The following TADA2A variants were observed in gnomAD, a reference collection of about 807,000 sequenced individuals.
TADA2A encodes transcriptional adapter 2-alpha.
In TADA2A, 38 loss-of-function variants were observed where a neutral mutation model predicts 67.4. That is an observed-to-expected ratio of 0.56 (90% confidence interval 0.44 to 0.74). The LOEUF (loss-of-function observed/expected upper bound fraction) is 0.74. Ranked by LOEUF, TADA2A falls within the 30% of genes least tolerant of loss-of-function variation. The probability of loss-of-function intolerance (pLI) is 0.00; values close to 1 mark genes in which losing one functional copy is unlikely to be tolerated. For synonymous variants in TADA2A, 192 were observed against 181.6 expected (o/e 1.06, Z -0.46); for missense variants, 454 against 547.0 (o/e 0.83, Z 1.70).
chr17:37,447,744 G>A (rs1271275482), intron 8 of TADA2A, among the ~76,000 whole-genome samples: 1 of 152,220 alleles, frequency 6.6e-6, no homozygotes, highest in Non-Finnish European at 1.5e-5. Context: ...GTGGCAGCAT[G>A]ACCATGTCCA....
chr17:37,440,534 A>G lies in TADA2A; in HGVS notation c.314A>G (p.Lys105Arg). The G allele has an allele frequency of 6.2e-7, 1 of 1,614,204 alleles. No homozygotes were observed. Among genetic ancestry groups the G allele is most frequent in the Non-Finnish European group, 8.5e-7 (1 of 1,180,030 alleles). ...WQDVANQMCTKTKEECEKHYM... is the reference protein window; with the variant it reads ...WQDVANQMCTRTKEECEKHYM... ...GATGTAGCCAATCAAATGTGCACCA[A>G]GACCAAGGAGGAGTGTGAGAAGCAC... Residue 105 changes from lysine (K) to arginine (R), a missense_variant, in exon 6 of 16, where the codon AAG becomes AGG. Transcript: ENST00000615182.
At chr17:37,413,301 G>T (rs1241516950) in intron 2 of TADA2A, among the ~76,000 whole-genome samples, 1 of 152,158 alleles carries the variant, frequency 6.6e-6, no homozygotes, top group Non-Finnish European at 1.5e-5. Flanking sequence ...GGAGAGAATG[G>T]AGTCTTCAGA....
intron 8 of TADA2A, among the ~76,000 whole-genome samples, chr17:37,446,245 T>C (rs2053077798): frequency 6.6e-6 from 1 of 152,140 alleles, no homozygotes; most frequent in South Asian, 2.1e-4. Flanking sequence ...ATTGTATTTG[T>C]TCAGTCTTCC....
intron 8 of TADA2A, 80 bp from the exon 9 acceptor site, chr17:37,458,444 T>A: frequency 9.8e-7 from 1 of 1,020,786 alleles, no homozygotes; most frequent in Non-Finnish European, 1.3e-6. Flanking sequence ...GGTAAAAGAT[T>A]TATTTTTGTC....
At chr17:37,416,614 C>G (rs1168421073) in intron 2 of TADA2A, among the ~76,000 whole-genome samples, 2 of 152,176 alleles carry the variant, frequency 1.3e-5, no homozygotes, top group Admixed American at 1.3e-4. Flanking sequence ...CGCCTGTAAT[C>G]CCAGCACTTT....
At chr17:37,441,680 T>C (rs896093680) in intron 6 of TADA2A, among the ~76,000 whole-genome samples, 1 of 151,690 alleles carries the variant, frequency 6.6e-6, no homozygotes, top group Non-Finnish European at 1.5e-5. Flanking sequence ...TTTTTTTTTT[T>C]TTTGGAGACA....
In TADA2A at chr17:37,406,940, T is replaced by G. The variant is rs2051553003; in HGVS notation, c.-107T>G. On this transcript the variant is annotated 5_prime_UTR_variant, in exon 1 of 16. Coordinates refer to ENST00000615182, the MANE Select transcript of TADA2A (RefSeq NM_001166105.3). ...CGGCTCTTTGGCGCGGATTAGGGGG[T>G]CTCGGCGAGGTGAGGCGCCAGGCAG... The G allele has an allele frequency of 1.3e-5, 1 of 78,366 alleles. No individual in the cohort carries two copies. The highest frequency in any genetic ancestry group is 2.4e-5 in the Non-Finnish European group (1 of 41,972). The allele number at this position is 78,366 out of a possible 1,614,324, so 4.9% of individuals were successfully genotyped here.
intron 3 of TADA2A, among the ~76,000 whole-genome samples, chr17:37,425,176 G>A (rs374195757): frequency 6.6e-6 from 1 of 152,132 alleles, no homozygotes; most frequent in Admixed American, 6.6e-5. Flanking sequence ...TACCACGCCC[G>A]GCCATAACAC....
intron 12 of TADA2A, among the ~76,000 whole-genome samples, chr17:37,468,533 C>CTT (rs1208253095): frequency 6.9e-6 from 1 of 144,778 alleles, no homozygotes. Context: ...TTTTTCTTTC[C>CTT]TTTTTTTTTT....
intron 8 of TADA2A, among the ~76,000 whole-genome samples, chr17:37,448,547 A>G (rs566033318): frequency 9.8e-5 from 15 of 152,332 alleles, no homozygotes; most frequent in Admixed American, 4.6e-4. Context: ...TGAGATCTCA[A>G]TGCACATGCT....
intron 14 of TADA2A, among the ~76,000 whole-genome samples, chr17:37,473,749 A>T (rs910141673): frequency 2.6e-5 from 4 of 152,204 alleles, no homozygotes; most frequent in Admixed American, 6.5e-5. Context: ...AGTTGACCTC[A>T]GCCCCTGCTT....
At chr17:37,430,169 CACTG>C (rs1015327791) in intron 4 of TADA2A, among the ~76,000 whole-genome samples, 6 of 152,214 alleles carry the variant, frequency 3.9e-5, no homozygotes, top group East Asian at 1.9e-4. Flanking sequence ...ATGCTGAAAG[CACTG>C]ACTAAGTTTC....
intron 8 of TADA2A, among the ~76,000 whole-genome samples, chr17:37,456,742 A>G (rs538425631): frequency 1.4e-4 from 22 of 152,282 alleles, no homozygotes; most frequent in Non-Finnish European, 2.5e-4. Flanking sequence ...GAAATTATGC[A>G]TTTTGATGGT....
At chr17:37,432,060 T>A (rs993217599) in intron 4 of TADA2A, among the ~76,000 whole-genome samples, 10 of 152,170 alleles carry the variant, frequency 6.6e-5, no homozygotes, top group East Asian at 3.8e-4. Context: ...TTTTTTTTTT[T>A]ATCAGCGTAG....
chr17:37,463,362 G>C (rs908229310), intron 10 of TADA2A, among the ~76,000 whole-genome samples: 4 of 152,054 alleles, frequency 2.6e-5, no homozygotes, highest in Non-Finnish European at 5.9e-5. Flanking sequence ...AAACATCCCA[G>C]TTGATAGATT....
At chr17:37,458,638 TG>T (rs879483604) in intron 9 of TADA2A, 51 bp downstream of exon 9, 5,676 of 196,844 alleles carry the variant, frequency 0.029, 108 homozygotes, top group East Asian at 0.15. Flanking sequence ...ATTATTGTTT[TG>T]TGTGTGTGTG....
At chr17:37,408,198 T>G (rs1395891391) in intron 1 of TADA2A, among the ~76,000 whole-genome samples, 2 of 151,494 alleles carry the variant, frequency 1.3e-5, no homozygotes, top group East Asian at 3.9e-4. Flanking sequence ...CCTACTGTGC[T>G]TTTTCGAGTG....
rs974508729 is a variant in TADA2A at position 37,411,275 on chromosome 17, A to G, written c.-91A>G. ...CACTTTTGTTTGTTCCTAGGGAGTC[A>G]TCAAGCTTTGGTGTATGTGTTGGCC... On this transcript the variant is annotated 5_prime_UTR_variant, in exon 2 of 16. Coordinates refer to ENST00000615182, the MANE Select transcript of TADA2A (RefSeq NM_001166105.3). 2.3e-5 allele frequency: 29 copies of G among 1,250,940 alleles called. No homozygotes were observed. The highest frequency in any genetic ancestry group is 3.2e-5 in the Non-Finnish European group (27 of 853,772). The allele number at this position is 1,250,940 out of a possible 1,614,324, so 77.5% of individuals were successfully genotyped here.
intron 1 of TADA2A, among the ~76,000 whole-genome samples, chr17:37,410,462 C>T (rs890860884): frequency 6.6e-6 from 1 of 151,982 alleles, no homozygotes; most frequent in Non-Finnish European, 1.5e-5. Flanking sequence ...AGGCATGAGC[C>T]ACTGTGCCTG....
Sources: allele counts gnomAD v4.1 joint callset (sites outside exome capture counted in the v4.1 genomes callset), GRCh38; gene constraint gnomAD v4.1.1; transcripts MANE v1.5; gene names NCBI Gene and HGNC (gene_info 2026-07-23, HGNC 2026-07-21).